The following TNPO3 variants were observed in gnomAD, a reference collection of about 807,000 sequenced individuals.
TNPO3 encodes the protein transportin 3.
A neutral mutation model predicts 122.8 loss-of-function variants in TNPO3; 65 were observed. The observed-to-expected ratio is 0.53, with a 90% CI of 0.43 to 0.65. The LOEUF (loss-of-function observed/expected upper bound fraction) is 0.65, where lower values mean the gene tolerates loss of function less well. Among genes scored for constraint, TNPO3 ranks in the 30% least tolerant of loss-of-function variants. TNPO3 has a pLI of 0.00. For synonymous variants in TNPO3, 372 were observed against 411.2 expected (o/e 0.90, Z 1.15); for missense variants, 850 against 1,136.7 (o/e 0.75, Z 3.63).
intron 9 of TNPO3, 38 bp downstream of exon 9, chr7:128,993,769 G>A (rs1801005004): frequency 6.6e-7 from 1 of 1,522,136 alleles, no homozygotes; most frequent in Non-Finnish European, 9.0e-7. Context: ...CAATTAAGGT[G>A]ACTAGTAAAA....
At position 128,990,229 on chromosome 7, in the gene TNPO3, T is replaced by C. The variant is rs1800612527; in HGVS notation, c.1359-129A>G. The C allele has an allele frequency of 5.1e-6, 5 of 982,608 alleles. 1 individual carries two copies. In the Admixed American group the frequency reaches 7.2e-5, roughly 14 times the overall value. 60.9% of individuals were successfully genotyped at this position (982,608 alleles called of 1,614,324 possible). On this transcript the variant is annotated intron_variant, in intron 10 of 22. Coordinates refer to ENST00000265388, the MANE Select transcript of TNPO3 (RefSeq NM_012470.4). ...TAAACAACCATTAAGATAAAAGTAC[T>C]TGGTATTTGTTATGAAAGATTTTCA...
Position 128,974,963 on chromosome 7 carries a change from C to T in TNPO3, c.2179-1G>A. 6.2e-7 allele frequency: 1 copy of T among 1,613,342 alleles called. No individual in the cohort carries two copies. Among genetic ancestry groups the T allele is most frequent in the Non-Finnish European group, 8.5e-7 (1 of 1,179,406 alleles). ...GCTGAAAGGTGGGGATGCACAGTGC[C>T]TAAAACAAAACAGTGATTTTAAAAG... On this transcript the variant is annotated splice_acceptor_variant, in intron 17 of 22. Coordinates refer to ENST00000265388, the MANE Select transcript of TNPO3 (RefSeq NM_012470.4). LOFTEE classifies it high-confidence loss of function.
chr7:128,990,216 A>C, intron 10 of TNPO3, 116 bp from the exon 11 acceptor site: 1 of 1,094,224 alleles, frequency 9.1e-7, no homozygotes, highest in Non-Finnish European at 1.4e-6. Flanking sequence ...AACAACCATT[A>C]AGATAAAAGT....
At chr7:129,035,950 C>CTTTTTTTTTTTTT (rs71162551) in intron 1 of TNPO3, among the ~76,000 whole-genome samples, 1 of 119,936 alleles carries the variant, frequency 8.3e-6, no homozygotes, top group African/African-American at 3.0e-5. Context: ...CTTTTCTTTT[C>CTTTTTTTTTTTTT]TTTTTTTTTT....
intron 1 of TNPO3, among the ~76,000 whole-genome samples, chr7:129,052,427 C>G (rs2150576529): frequency 6.6e-6 from 1 of 152,308 alleles, no homozygotes; most frequent in Non-Finnish European, 1.5e-5. Context: ...CAAACTATTT[C>G]TTGTCACACC....
intron 1 of TNPO3, among the ~76,000 whole-genome samples, chr7:129,049,796 C>T (rs1808483084): frequency 6.6e-6 from 1 of 152,040 alleles, no homozygotes; most frequent in Non-Finnish European, 1.5e-5. Flanking sequence ...TGATATTTGC[C>T]TGGGGGTGGG....
chr7:129,037,404 A>C (rs1272212901), intron 1 of TNPO3, among the ~76,000 whole-genome samples: 2 of 152,190 alleles, frequency 1.3e-5, no homozygotes, highest in Non-Finnish European at 2.9e-5. Context: ...AGGACAGAGG[A>C]AGAAATTCAG....
At chr7:129,013,477 C>A (rs566881690) in intron 4 of TNPO3, among the ~76,000 whole-genome samples, 3 of 149,854 alleles carry the variant, frequency 2.0e-5, no homozygotes, top group African/African-American at 7.3e-5. Context: ...GGCAAAAGAT[C>A]AATAGCAAAT....
At chr7:128,976,075 T>C (rs1799029939) in intron 16 of TNPO3, 140 bp from the exon 17 acceptor site, 4 of 650,104 alleles carry the variant, frequency 6.2e-6, no homozygotes, top group African/African-American at 3.7e-5. Flanking sequence ...CTTAGCACTA[T>C]TTTGTGAAAC....
chr7:129,026,521 G>A (rs1805196255), intron 1 of TNPO3, among the ~76,000 whole-genome samples: 1 of 149,706 alleles, frequency 6.7e-6, no homozygotes, highest in Non-Finnish European at 1.5e-5. Context: ...TCCTGCCTCA[G>A]CCTCCTAAGT....
chr7:129,054,912 G>A lies in TNPO3; in HGVS notation c.-142C>T, dbSNP rs1809307556. The stretch of plus-strand genomic sequence containing the variant: ...ATCTCCTCCTCTTTGGCCGTTACCA[G>A]GGCAGAAGGCTCTCCGTGGAAGTTG... On this transcript the variant is annotated 5_prime_UTR_variant, in exon 1 of 23. Coordinates refer to ENST00000265388, the MANE Select transcript of TNPO3 (RefSeq NM_012470.4). The A allele has an allele frequency of 8.9e-7, 1 of 1,126,500 alleles. No homozygotes were observed. Among genetic ancestry groups the A allele is most frequent in the Non-Finnish European group, 1.3e-6 (1 of 794,414 alleles). The allele number at this position is 1,126,500 out of a possible 1,614,324, so 69.8% of individuals were successfully genotyped here. A position where few individuals can be genotyped will look rare whatever the true frequency, so the allele number is the denominator to read the frequency against.
chr7:129,034,322 G>A lies in TNPO3; in HGVS notation c.121-16165C>T, dbSNP rs573118949. Among the ~76,000 whole-genome samples the A allele has an allele frequency of 4.6e-5, 7 of 151,916 alleles. No individual in the cohort carries two copies. In the South Asian group the frequency reaches 1.5e-3, roughly 32 times the overall value. On this transcript the variant is annotated intron_variant, in intron 1 of 22. Coordinates refer to ENST00000265388, the MANE Select transcript of TNPO3 (RefSeq NM_012470.4). ...GACTGCTTGAGCCCTAGGAGTTCAG[G>A]ACCAGTCTGGGCAACAAGGTGAAAT...
intron 4 of TNPO3, among the ~76,000 whole-genome samples, chr7:129,007,801 G>A (rs1424975381): frequency 6.6e-6 from 1 of 152,188 alleles, no homozygotes; most frequent in Non-Finnish European, 1.5e-5. Context: ...TGAGACATCT[G>A]TCACTATCTA....
intron 4 of TNPO3, among the ~76,000 whole-genome samples, chr7:129,010,913 G>A (rs1401992344): frequency 1.5e-5 from 2 of 137,898 alleles, no homozygotes; most frequent in Non-Finnish European, 3.1e-5. Flanking sequence ...AGACCATAGA[G>A]AAGCTCTATA....
chr7:128,967,318 T>G lies in TNPO3; in HGVS notation c.2673A>C (p.Thr891=). 1 of 1,614,044 alleles carries G rather than the reference T, an allele frequency of 6.2e-7. No homozygotes were observed. The highest frequency in any genetic ancestry group is 8.5e-7 in the Non-Finnish European group (1 of 1,179,864). ...TGTGGAAGTCTGTAAGTTGTTTGTG[T>G]GTCACTGTGACGGCTCCCACGGTTG... The part of the protein sequence containing the change: ...KETTVGAVTV[T]HKQLTDFHKQ... The change falls in exon 21 of 23, where the codon ACA becomes ACC. Residue 891 remains threonine, a synonymous_variant. Coordinates refer to ENST00000265388, the MANE Select transcript of TNPO3 (RefSeq NM_012470.4).
Position 129,017,959 on chromosome 7 carries a change from G to A in TNPO3, c.319C>T (p.Gln107Ter). The change falls in exon 2 of 23, where the codon CAG becomes TAG. Residue 107 changes from glutamine to a stop codon, truncating the protein, a stop_gained and splice_region_variant. Coordinates refer to ENST00000265388, the MANE Select transcript of TNPO3 (RefSeq NM_012470.4). LOFTEE classifies it high-confidence loss of function. ...CTAATGAGAAGCACAGGATTTACCT[G>A]CGTTACAATAACAGGTGACAAGTCT... ...LKDLSPVIVT[Q>*]LALAIADLAL... 6.2e-7 allele frequency: 1 copy of A among 1,614,034 alleles called. No individual in the cohort carries two copies. The highest frequency in any genetic ancestry group is 8.5e-7 in the Non-Finnish European group (1 of 1,179,946).
At chr7:128,991,642 A>T (rs566793428) in intron 10 of TNPO3, among the ~76,000 whole-genome samples, 1 of 152,302 alleles carries the variant, frequency 6.6e-6, no homozygotes, top group African/African-American at 2.4e-5. Flanking sequence ...AAAGCAGGAA[A>T]CCCAAATTAG....
At chr7:128,982,180 A>T in intron 14 of TNPO3, 68 bp downstream of exon 14, 2 of 1,342,666 alleles carry the variant, frequency 1.5e-6, no homozygotes, top group Admixed American at 1.9e-5. Flanking sequence ...ATACTTGCTT[A>T]CTTCAATATA....
At chr7:128,969,118 TTAACAA>T (rs1170057478) in intron 20 of TNPO3, among the ~76,000 whole-genome samples, 2 of 152,208 alleles carry the variant, frequency 1.3e-5, no homozygotes, top group Non-Finnish European at 2.9e-5. Context: ...TTGTTCGCAC[TTAACAA>T]TATGCTTACA....
Sources: allele counts gnomAD v4.1 joint callset (sites outside exome capture counted in the v4.1 genomes callset), GRCh38; gene constraint gnomAD v4.1.1; transcripts MANE v1.5; gene names NCBI Gene and HGNC (gene_info 2026-07-23, HGNC 2026-07-21).